The following NLGN1 variants were observed in gnomAD, a reference collection of about 807,000 sequenced individuals.
The protein encoded by NLGN1 is neuroligin 1, also known as neuroligin-1.
In NLGN1, 12 loss-of-function variants were observed where a neutral mutation model predicts 65.5. That is an observed-to-expected ratio of 0.18 (90% CI 0.12 to 0.30). The LOEUF is 0.30. NLGN1 is among the 10% of genes least tolerant of loss of function. The pLI is 1.00. For synonymous variants in NLGN1, 350 were observed against 359.5 expected (o/e 0.97, Z 0.30); for missense variants, 750 against 1,007.1 (o/e 0.74, Z 3.46).
chr3:173,672,185 GAATAA>G (rs955281663), intron 3 of NLGN1, among the ~76,000 whole-genome samples: 5 of 151,940 alleles, frequency 3.3e-5, no homozygotes, highest in South Asian at 2.1e-4. Context: ...AAAATAATTA[GAATAA>G]AATAAAATAA....
At chr3:174,089,378 C>G (rs1390778562) in intron 4 of NLGN1, among the ~76,000 whole-genome samples, 8 of 152,138 alleles carry the variant, frequency 5.3e-5, no homozygotes, top group African/African-American at 1.7e-4. Flanking sequence ...CTTCCTTCCA[C>G]TAAAACTTGA....
At chr3:173,507,908 T>G (rs751226035) in intron 2 of NLGN1, among the ~76,000 whole-genome samples, 10 of 152,128 alleles carry the variant, frequency 6.6e-5, no homozygotes, top group African/African-American at 9.7e-5. Flanking sequence ...CCTAGACAAT[T>G]TATTTAGTTA....
intron 4 of NLGN1, among the ~76,000 whole-genome samples, chr3:174,091,577 A>G (rs1290874730): frequency 6.6e-6 from 1 of 152,216 alleles, no homozygotes; most frequent in Admixed American, 6.5e-5. Flanking sequence ...TGCAGCTACC[A>G]TGATTTTTAA....
At chr3:173,844,080 C>T (rs1399975100) in intron 4 of NLGN1, among the ~76,000 whole-genome samples, 1 of 152,144 alleles carries the variant, frequency 6.6e-6, no homozygotes, top group Non-Finnish European at 1.5e-5. Context: ...TAAGCTTGTG[C>T]AGGAAAACTC....
At chr3:173,781,005 G>A (rs556925004) in intron 3 of NLGN1, among the ~76,000 whole-genome samples, 2 of 151,826 alleles carry the variant, frequency 1.3e-5, no homozygotes, top group East Asian at 1.9e-4. Context: ...TTAGCCAGGC[G>A]TGGTGGCGGG....
At chr3:173,589,030 C>T (rs1218556502) in intron 2 of NLGN1, among the ~76,000 whole-genome samples, 1 of 152,148 alleles carries the variant, frequency 6.6e-6, no homozygotes, top group Non-Finnish European at 1.5e-5. Context: ...AGTTAAGTTA[C>T]TACTACTGAT....
At chr3:173,967,342 C>G (rs1715121913) in intron 4 of NLGN1, among the ~76,000 whole-genome samples, 1 of 152,156 alleles carries the variant, frequency 6.6e-6, no homozygotes, top group Non-Finnish European at 1.5e-5. Flanking sequence ...TACGCAAACT[C>G]TAGGACTCTT....
intron 2 of NLGN1, among the ~76,000 whole-genome samples, chr3:173,521,292 G>A (rs1734717291): frequency 6.6e-6 from 1 of 152,204 alleles, no homozygotes; most frequent in South Asian, 2.1e-4. Context: ...AAAAGCTGGT[G>A]AATGACAGAG....
At chr3:174,263,983 C>A (rs1025490955) in intron 4 of NLGN1, among the ~76,000 whole-genome samples, 2 of 148,618 alleles carry the variant, frequency 1.3e-5, no homozygotes, top group Non-Finnish European at 3.0e-5. Flanking sequence ...GTTGAAAAGT[C>A]TTTTTTTTAA....
chr3:173,928,016 C>A (rs1743339594), intron 4 of NLGN1, among the ~76,000 whole-genome samples: 1 of 152,128 alleles, frequency 6.6e-6, no homozygotes, highest in African/African-American at 2.4e-5. Context: ...TTCAGGGTTG[C>A]ACACACATTT....
rs1561432546 is a variant in NLGN1, at chr3:174,267,302, T to A, written c.647-8013T>A. Among the ~76,000 whole-genome samples, 3 of 152,236 alleles carry A rather than the reference T, an allele frequency of 2.0e-5. No homozygotes were observed. The East Asian group carries it at 5.8e-4, about 29-fold the overall frequency. ...CATGGTGGGAGGCAAAGAGGAACCA[T>A]TGTGTCATATGAGGAGTGGAACAAG... On this transcript the variant is annotated intron_variant, in intron 4 of 6. Transcript: ENST00000457714.
intron 4 of NLGN1, among the ~76,000 whole-genome samples, chr3:174,122,039 G>A (rs1717884948): frequency 6.6e-6 from 1 of 152,074 alleles, no homozygotes; most frequent in African/African-American, 2.4e-5. Context: ...TCTTTCCTAA[G>A]TAAAGACTTC....
chr3:173,709,320 A>C (rs2149931947), intron 3 of NLGN1, among the ~76,000 whole-genome samples: 1 of 152,290 alleles, frequency 6.6e-6, no homozygotes, highest in East Asian at 1.9e-4. Flanking sequence ...ACAATGGCAA[A>C]TCTTGCATTA....
At chr3:174,039,823 AG>A (rs1409272237) in intron 4 of NLGN1, among the ~76,000 whole-genome samples, 1 of 152,148 alleles carries the variant, frequency 6.6e-6, no homozygotes, top group Admixed American at 6.5e-5. Flanking sequence ...GTGCTTAGGA[AG>A]ATAAGAAACG....
chr3:173,465,208 A>G (rs1371811544), intron 2 of NLGN1, among the ~76,000 whole-genome samples: 3 of 152,104 alleles, frequency 2.0e-5, no homozygotes, highest in Admixed American at 1.3e-4. Context: ...CAGGAAACTG[A>G]CACAGCATCA....
At chr3:173,786,334 T>C (rs1210321111) in intron 3 of NLGN1, among the ~76,000 whole-genome samples, 1 of 152,166 alleles carries the variant, frequency 6.6e-6, no homozygotes, top group African/African-American at 2.4e-5. Flanking sequence ...TTTTTTTAAG[T>C]ACCAAACCAT....
intron 4 of NLGN1, among the ~76,000 whole-genome samples, chr3:173,941,214 G>A (rs1746030234): frequency 6.6e-6 from 1 of 151,910 alleles, no homozygotes; most frequent in Non-Finnish European, 1.5e-5. Flanking sequence ...AACCATTCAG[G>A]CCTTCCAGAA....
chr3:173,490,786 G>C (rs948027040), intron 2 of NLGN1, among the ~76,000 whole-genome samples: 24 of 152,154 alleles, frequency 1.6e-4, no homozygotes, highest in African/African-American at 5.8e-4. Flanking sequence ...GTGGTTTGTA[G>C]TTCTCCTTGA....
At chr3:173,627,181 G>A (rs1754954355) in intron 3 of NLGN1, among the ~76,000 whole-genome samples, 1 of 152,006 alleles carries the variant, frequency 6.6e-6, no homozygotes, top group Admixed American at 6.6e-5. Flanking sequence ...GGTGTACAAT[G>A]TTTGTATCCT....
Sources: allele counts gnomAD v4.1 joint callset (sites outside exome capture counted in the v4.1 genomes callset), GRCh38; gene constraint gnomAD v4.1.1; transcripts MANE v1.5; gene names NCBI Gene and HGNC (gene_info 2026-07-23, HGNC 2026-07-21).